Variants in ZNF407 observed in about 807,000 individuals in gnomAD.
The protein encoded by ZNF407 is zinc finger protein 407.
ZNF407 carries 17 observed loss-of-function variants against 131.2 expected under a neutral mutation model. The ratio of observed to expected loss-of-function variants is 0.13; its 90% CI spans 0.09 to 0.19. The LOEUF is 0.19. ZNF407 is among the 10% of genes least tolerant of loss of function. ZNF407 has a pLI of 1.00. For missense variants in ZNF407, 2,681 were observed against 2,830.6 expected (o/e 0.95, Z 1.20); for synonymous variants, 1,156 against 1,062.0 (o/e 1.09, Z -1.72).
At chr18:75,051,114 G>C (rs1401261285) in intron 8 of ZNF407, among the ~76,000 whole-genome samples, 1 of 152,128 alleles carries the variant, frequency 6.6e-6, no homozygotes, top group African/African-American at 2.4e-5. Flanking sequence ...TTAAGATTCA[G>C]TGTGATAGGC....
chr18:75,034,306 T>G (rs963233964), intron 8 of ZNF407, among the ~76,000 whole-genome samples: 13 of 147,926 alleles, frequency 8.8e-5, no homozygotes, highest in Admixed American at 8.0e-4. Context: ...TTGGGTTTTT[T>G]TTTTTTTTTT....
Position 74,699,889 on chromosome 18 carries a change from T to C in ZNF407, c.4802+58767T>C, listed in dbSNP as rs1967451278. Among the ~76,000 whole-genome samples the C allele has an allele frequency of 2.0e-5, 3 of 152,218 alleles. No individual in the cohort carries two copies. The South Asian group carries it at 6.2e-4, about 32-fold the overall frequency. On this transcript the variant is annotated intron_variant, in intron 3 of 8. Transcript: ENST00000299687. ...AGAAATAATTTGTGAGAGTTGGTTC[T>C]CTGGAGACAAAATTATATGCACATG...
At chr18:74,693,566 A>G (rs1390642670) in intron 3 of ZNF407, among the ~76,000 whole-genome samples, 1 of 152,056 alleles carries the variant, frequency 6.6e-6, no homozygotes, top group Non-Finnish European at 1.5e-5. Flanking sequence ...AATTTGTCCT[A>G]TCATTTTCTT....
chr18:74,989,779 G>A (rs1264776887), intron 8 of ZNF407, among the ~76,000 whole-genome samples: 1 of 151,584 alleles, frequency 6.6e-6, no homozygotes, highest in Non-Finnish European at 1.5e-5. Context: ...GGAGGTGGAG[G>A]TTGCAGTGAG....
chr18:74,707,316 C>G (rs1309222463), intron 3 of ZNF407, among the ~76,000 whole-genome samples: 1 of 152,118 alleles, frequency 6.6e-6, no homozygotes, highest in East Asian at 1.9e-4. Context: ...ATAAGTAGTT[C>G]CTAATAAGTG....
intron 7 of ZNF407, among the ~76,000 whole-genome samples, chr18:74,900,076 A>G (rs1971503594): frequency 6.6e-6 from 1 of 152,222 alleles, no homozygotes; most frequent in Non-Finnish European, 1.5e-5. Flanking sequence ...TTTATGTGCC[A>G]AATGTTTAAA....
intron 3 of ZNF407, among the ~76,000 whole-genome samples, chr18:74,704,126 C>T (rs568315621): frequency 5.9e-5 from 9 of 152,280 alleles, no homozygotes; most frequent in African/African-American, 2.2e-4. Context: ...GAGGCACAGA[C>T]CCATAGCTTT....
intron 8 of ZNF407, among the ~76,000 whole-genome samples, chr18:75,049,086 A>ATT (rs79781750): frequency 3.6e-4 from 4 of 11,006 alleles, no homozygotes; most frequent in Admixed American, 1.7e-3. Context: ...GGCCGGTAGT[A>ATT]TTTTTTTTTT....
chr18:74,904,679 C>T (rs1025252613), intron 7 of ZNF407, among the ~76,000 whole-genome samples: 9 of 152,036 alleles, frequency 5.9e-5, no homozygotes, highest in African/African-American at 9.7e-5. Flanking sequence ...AAGTCGGTGC[C>T]GCTTCTTATT....
intron 8 of ZNF407, among the ~76,000 whole-genome samples, chr18:74,986,288 T>C (rs1007560095): frequency 1.4e-5 from 2 of 142,642 alleles, no homozygotes; most frequent in African/African-American, 5.2e-5. Flanking sequence ...TTAACATACT[T>C]TAGGATGCTA....
chr18:74,830,407 T>A (rs996979097), intron 4 of ZNF407, among the ~76,000 whole-genome samples: 41 of 152,060 alleles, frequency 2.7e-4, no homozygotes, highest in Non-Finnish European at 5.4e-4. Context: ...CTCAGCCCCC[T>A]GAGTAGCTGT....
At chr18:74,931,671 T>C (rs994421586) in intron 8 of ZNF407, among the ~76,000 whole-genome samples, 2 of 152,126 alleles carry the variant, frequency 1.3e-5, no homozygotes, top group African/African-American at 4.8e-5. Flanking sequence ...AAAAAACTGT[T>C]GAACTATTTT....
At chr18:74,718,711 T>G (rs1967955284) in intron 3 of ZNF407, among the ~76,000 whole-genome samples, 1 of 152,184 alleles carries the variant, frequency 6.6e-6, no homozygotes, top group Non-Finnish European at 1.5e-5. Flanking sequence ...TGACTAGTAA[T>G]ATTTTCAATG....
chr18:74,808,487 A>C (rs1247779999), intron 4 of ZNF407, among the ~76,000 whole-genome samples: 11 of 152,246 alleles, frequency 7.2e-5, no homozygotes. Context: ...TGAATGACTT[A>C]CTGAGACTTT....
At chr18:74,779,838 CT>C (rs1177964154) in intron 3 of ZNF407, among the ~76,000 whole-genome samples, 1 of 151,942 alleles carries the variant, frequency 6.6e-6, no homozygotes, top group African/African-American at 2.4e-5. Context: ...ATAAGCTGTG[CT>C]TTGCAGCTTT....
chr18:74,707,785 T>G (rs1265405280), intron 3 of ZNF407, among the ~76,000 whole-genome samples: 1 of 152,230 alleles, frequency 6.6e-6, no homozygotes, highest in South Asian at 2.1e-4. Flanking sequence ...TTTTTGAGAC[T>G]GAGGTTGTTT....
rs768043004 is a variant in ZNF407 at position 74,634,679 on chromosome 18, G to T, written c.3660G>T (p.Ser1220=). 1 of 1,613,988 alleles carries T rather than the reference G, an allele frequency of 6.2e-7. No individual in the cohort carries two copies. The part of the protein sequence containing the change: ...CETAKKNHEI[S]NDAGELRVHC... ...CAGCAAAGAAAAACCATGAGATATC[G>T]AATGATGCAGGTGAGCTGCGTGTCC... Residue 1220 remains serine (S), a synonymous_variant, in exon 2 of 9, where the codon TCG becomes TCT. Transcript: ENST00000299687.
chr18:74,639,562 G>A (rs1234797270), intron 2 of ZNF407, among the ~76,000 whole-genome samples: 3 of 152,134 alleles, frequency 2.0e-5, no homozygotes, highest in Non-Finnish European at 4.4e-5. Flanking sequence ...ATTGCTGTAA[G>A]CTGCAGTCTC....
At chr18:74,991,234 T>C (rs866923625) in intron 8 of ZNF407, among the ~76,000 whole-genome samples, 9 of 152,216 alleles carry the variant, frequency 5.9e-5, no homozygotes, top group Non-Finnish European at 1.0e-4. Context: ...CTGAGGGTAG[T>C]AGAAGGGACT....
Sources: gnomAD v4.1 joint callset for allele counts (sites outside exome capture counted in the v4.1 genomes callset) on GRCh38, gnomAD v4.1.1 for gene constraint, MANE v1.5 for transcripts, NCBI Gene and HGNC (gene_info 2026-07-23, HGNC 2026-07-21) for gene names.